The following NUP210 variants were observed in gnomAD, a reference collection of about 807,000 sequenced individuals.
NUP210 encodes nuclear pore membrane glycoprotein 210.
NUP210 carries 151 observed loss-of-function variants against 196.0 expected under a neutral mutation model. That is an observed-to-expected ratio of 0.77 (90% CI 0.67 to 0.88). The LOEUF is 0.88. NUP210 is among the 40% of genes least tolerant of loss of function. The pLI, the probability that NUP210 is intolerant of heterozygous loss-of-function variation, is 0.00. For missense variants in NUP210, 2,314 were observed against 2,493.7 expected (o/e 0.93, Z 1.53); for synonymous variants, 1,070 against 1,052.7 (o/e 1.02, Z -0.32).
chr3:13,407,709 T>C (rs1268491171), intron 1 of NUP210, among the ~76,000 whole-genome samples: 2 of 152,126 alleles, frequency 1.3e-5, no homozygotes, highest in Non-Finnish European at 2.9e-5. Flanking sequence ...TTCCATGGAC[T>C]GTCCCTATCT....
At position 13,319,244 on chromosome 3, in the gene NUP210, G is replaced by C; in HGVS notation, c.5465C>G (p.Ala1822Gly). 1 of 1,613,022 alleles carries C rather than the reference G, an allele frequency of 6.2e-7. No homozygotes were observed. Among genetic ancestry groups the C allele is most frequent in the South Asian group, 1.1e-5 (1 of 90,778 alleles). ...FTLFALLAGTAVMIIAYHTVC... is the reference protein window; with the variant it reads ...FTLFALLAGTGVMIIAYHTVC... ...AGCCTCCTCACCTATGATCATGACC[G>C]CTGTCCCAGCCAACAGGGCGAAGAG... The change falls in exon 38 of 40, where the codon GCG becomes GGG. Residue 1822 changes from alanine (A) to glycine (G), a missense_variant. Transcript: ENST00000254508.
chr3:13,320,619 C>T (rs1231719685), intron 36 of NUP210, among the ~76,000 whole-genome samples: 28 of 123,214 alleles, frequency 2.3e-4, no homozygotes, highest in South Asian at 1.4e-3. Flanking sequence ...GGCGACAGAG[C>T]GAGACTCCGT....
At position 13,319,885 on chromosome 3, in the gene NUP210, G is replaced by T; in HGVS notation, c.5261C>A (p.Pro1754His). Residue 1754 changes from proline to histidine, a missense_variant, in exon 37 of 40, where the codon CCC (proline) becomes CAC (histidine). Coordinates refer to ENST00000254508, the MANE Select transcript of NUP210 (RefSeq NM_024923.4). Reference sequence around the variant, plus strand: ...CAGAGGCCCTTGGCTGCCAGCCGCGGGGTCCAAGACGCCGACCGTGTATGT... The same window carrying T: ...CAGAGGCCCTTGGCTGCCAGCCGCGTGGTCCAAGACGCCGACCGTGTATGT... ...FITYTVGVLD[P>H]AAGSQGPLST... The T allele has an allele frequency of 6.2e-7, 1 of 1,614,210 alleles. No individual in the cohort carries two copies. Among genetic ancestry groups the T allele is most frequent in the Non-Finnish European group, 8.5e-7 (1 of 1,180,024 alleles).
chr3:13,348,601 G>A lies in NUP210; in HGVS notation c.2835+3278C>T. 1.0e-6 allele frequency: 1 copy of A among 985,444 alleles called. No homozygotes were observed. Among genetic ancestry groups the A allele is most frequent in the Non-Finnish European group, 1.2e-6 (1 of 829,932 alleles). 61.0% of individuals were successfully genotyped at this position (985,444 alleles called of 1,614,324 possible). On this transcript the variant is annotated intron_variant, in intron 20 of 39. Coordinates refer to ENST00000254508, the MANE Select transcript of NUP210 (RefSeq NM_024923.4). The surrounding 1 kb of genome is among the most constrained non-coding windows in gnomAD (Gnocchi z 4.0). ...CTTCACTCGCATGGCTGGAGGAAGA[G>A]CTGGGGAATTGTTCTTTCTTCTATG...
chr3:13,349,524 G>C (rs914101475), intron 20 of NUP210, among the ~76,000 whole-genome samples: 13 of 152,168 alleles, frequency 8.5e-5, no homozygotes, highest in African/African-American at 3.1e-4. Flanking sequence ...TGCTAAGAGA[G>C]GCCAGCCAAG....
rs1458848455 is a variant in NUP210, at chr3:13,375,220, T to C, written c.1431+284A>G. Among the ~76,000 whole-genome samples the C allele has an allele frequency of 4.0e-5, 6 of 150,896 alleles. No homozygotes were observed. In the South Asian group the frequency reaches 1.1e-3, roughly 27 times the overall value. On this transcript the variant is annotated intron_variant, in intron 11 of 39. Transcript: ENST00000254508. ...CTCAGCCTGGTATCAAACTCCTGGG[T>C]TTAAGCAATCCTCTCACTTCAGCCT... is the stretch of plus-strand genomic sequence containing the variant.
At chr3:13,371,410 CCACCAATGT>C (rs1230819664) in intron 13 of NUP210, among the ~76,000 whole-genome samples, 1 of 152,222 alleles carries the variant, frequency 6.6e-6, no homozygotes, top group Non-Finnish European at 1.5e-5. Flanking sequence ...CAGTCAGACT[CCACCAATGT>C]CACCATCAAA....
rs758773443 is a variant in NUP210, at chr3:13,321,587, C to A, written c.5164G>T (p.Glu1722Ter). 2 of 1,612,832 alleles carry A rather than the reference C, an allele frequency of 1.2e-6. No individual in the cohort carries two copies. Among genetic ancestry groups the A allele is most frequent in the Non-Finnish European group, 1.7e-6 (2 of 1,178,822 alleles). Residue 1722 changes from glutamate (E) to a stop codon, truncating the protein, a stop_gained and splice_region_variant, in exon 36 of 40, where the codon GAG becomes TAG. Coordinates refer to ENST00000254508, the MANE Select transcript of NUP210 (RefSeq NM_024923.4). LOFTEE classifies it high-confidence loss of function. ...FGAPEVLENL[E>*]VKSGSPAVLA... ...TGAGGCATGCAGATGCCACTCACCT[C>A]CAAGTTCTCCAGAACCTCCGGGGCA...
intron 1 of NUP210, among the ~76,000 whole-genome samples, chr3:13,414,308 G>A (rs1700273752): frequency 6.6e-6 from 1 of 152,228 alleles, no homozygotes; most frequent in Non-Finnish European, 1.5e-5. Context: ...GGCAGAGTGG[G>A]GGACCCACAA....
At chr3:13,417,235 C>T (rs1700377760) in intron 1 of NUP210, among the ~76,000 whole-genome samples, 1 of 152,194 alleles carries the variant, frequency 6.6e-6, no homozygotes, top group African/African-American at 2.4e-5. Flanking sequence ...CCTTCTGGAG[C>T]TCAGGTTTTC....
chr3:13,399,968 A>C, intron 1 of NUP210, 107 bp from the exon 2 acceptor site: 1 of 1,351,562 alleles, frequency 7.4e-7, no homozygotes, highest in Admixed American at 2.6e-5. Flanking sequence ...CCTGGACCCA[A>C]AGACAGAAGT....
rs1270622929 is a variant in NUP210, at chr3:13,359,947, T to C, written c.2154+323A>G. ...TCATTCATTTACGACCCTGGAGACA[T>C]TGGACTTGTGACCCCCGAACTCAAA... On this transcript the variant is annotated intron_variant, in intron 15 of 39. Transcript: ENST00000254508. Among the ~76,000 whole-genome samples, 6 of 152,350 alleles carry C rather than the reference T, an allele frequency of 3.9e-5. No individual in the cohort carries two copies. In the South Asian group the frequency reaches 6.2e-4, roughly 16 times the overall value.
chr3:13,335,700 C>T (rs1697188928), intron 27 of NUP210, 88 bp from the exon 28 acceptor site: 2 of 1,411,828 alleles, frequency 1.4e-6, no homozygotes, highest in Non-Finnish European at 2.0e-6. Flanking sequence ...CCCCAGACCC[C>T]CCAGCCCCCC....
chr3:13,391,599 T>C (rs1374757889), intron 3 of NUP210, among the ~76,000 whole-genome samples: 1 of 150,402 alleles, frequency 6.6e-6, no homozygotes, highest in Non-Finnish European at 1.5e-5. Context: ...CAGGACCAGC[T>C]CAGTGCAGTG....
intron 1 of NUP210, among the ~76,000 whole-genome samples, chr3:13,419,277 C>A (rs1700453245): frequency 6.6e-6 from 1 of 152,244 alleles, no homozygotes; most frequent in Non-Finnish European, 1.5e-5. Context: ...CGTGCCCACG[C>A]AGCCTTGCCA....
chr3:13,334,726 C>G (rs951806172), intron 28 of NUP210, among the ~76,000 whole-genome samples: 1 of 152,172 alleles, frequency 6.6e-6, no homozygotes, highest in African/African-American at 2.4e-5. Flanking sequence ...CAACTCTCCA[C>G]CTTGCAGAGG....
intron 1 of NUP210, among the ~76,000 whole-genome samples, chr3:13,407,832 T>C (rs1281725580): frequency 6.6e-6 from 1 of 152,216 alleles, no homozygotes; most frequent in East Asian, 1.9e-4. Context: ...TAGTGATATT[T>C]AAGGTAGTGT....
At chr3:13,404,703 G>A (rs1182142869) in intron 1 of NUP210, among the ~76,000 whole-genome samples, 3 of 152,164 alleles carry the variant, frequency 2.0e-5, no homozygotes, top group African/African-American at 2.4e-5. Context: ...CCCTCCCTCC[G>A]AAGGGCTGTC....
chr3:13,363,942 G>A (rs553700252), intron 14 of NUP210, among the ~76,000 whole-genome samples: 1 of 152,252 alleles, frequency 6.6e-6, no homozygotes, highest in South Asian at 2.1e-4. Flanking sequence ...CTGGTGAAAT[G>A]CTCTAGCTCC....
Sources: gnomAD v4.1 joint callset for allele counts (sites outside exome capture counted in the v4.1 genomes callset) on GRCh38, gnomAD v4.1.1 for gene constraint, Gnocchi (gnomAD v3.1) non-coding constraint, MANE v1.5 for transcripts, NCBI Gene and HGNC (gene_info 2026-07-23, HGNC 2026-07-21) for gene names.